The following CSNK1G3 variants were observed in gnomAD, a reference collection of about 807,000 sequenced individuals.
CSNK1G3 encodes casein kinase I isoform gamma-3.
Under a neutral mutation model 64.3 loss-of-function variants are expected in CSNK1G3, and 23 were observed. That is an observed-to-expected ratio of 0.36 (90% CI 0.26 to 0.51). The LOEUF is 0.51. Ranked by LOEUF, CSNK1G3 falls within the 20% of genes least tolerant of loss-of-function variation. The pLI, the probability that CSNK1G3 is intolerant of heterozygous loss-of-function variation, is 0.96. For missense variants in CSNK1G3, 357 were observed against 510.5 expected (o/e 0.70, Z 2.90); for synonymous variants, 158 against 162.2 (o/e 0.97, Z 0.20).
At chr5:123,571,728 GAGA>G (rs1482005433) in intron 4 of CSNK1G3, among the ~76,000 whole-genome samples, 4 of 152,044 alleles carry the variant, frequency 2.6e-5, no homozygotes, top group Admixed American at 2.6e-4. Context: ...TAAAAAGAAT[GAGA>G]AGTTTTCATT....
At chr5:123,596,319 CTTCAA>C (rs1025790338) in intron 10 of CSNK1G3, among the ~76,000 whole-genome samples, 7 of 152,120 alleles carry the variant, frequency 4.6e-5, no homozygotes, top group South Asian at 2.1e-4. Context: ...ATTTTTATGA[CTTCAA>C]TTCATATAGT....
At chr5:123,585,491 A>T (rs529862947) in intron 6 of CSNK1G3, among the ~76,000 whole-genome samples, 1 of 152,166 alleles carries the variant, frequency 6.6e-6, no homozygotes, top group African/African-American at 2.4e-5. Context: ...CAAAATGTAA[A>T]ATTTCTTTTA....
At chr5:123,513,006 C>CAGGCAGGAAGGAGGCATGGAT (rs1776509811) in intron 1 of CSNK1G3, among the ~76,000 whole-genome samples, 2 of 151,818 alleles carry the variant, frequency 1.3e-5, no homozygotes, top group African/African-American at 4.8e-5. Flanking sequence ...GTAGGGGCTT[C>CAGGCAGGAAGGAGGCATGGAT]AGGCAGGAAG....
intron 10 of CSNK1G3, among the ~76,000 whole-genome samples, chr5:123,603,518 A>G (rs1196805033): frequency 1.3e-5 from 2 of 152,116 alleles, no homozygotes; most frequent in Non-Finnish European, 2.9e-5. Context: ...GGAGGTAGGG[A>G]TGGATGTCAA....
At chr5:123,611,122 TTTC>T (rs1395410794) in intron 12 of CSNK1G3, among the ~76,000 whole-genome samples, 1 of 152,230 alleles carries the variant, frequency 6.6e-6, no homozygotes, top group Non-Finnish European at 1.5e-5. Context: ...TGAGACCTGA[TTTC>T]TTAATCTCTA....
chr5:123,523,541 A>G (rs1256390575), intron 1 of CSNK1G3, among the ~76,000 whole-genome samples: 1 of 152,210 alleles, frequency 6.6e-6, no homozygotes, highest in Non-Finnish European at 1.5e-5. Flanking sequence ...ATAAATTGCA[A>G]GGGTTAGATT....
intron 1 of CSNK1G3, among the ~76,000 whole-genome samples, chr5:123,539,304 G>T (rs907056591): frequency 6.6e-6 from 1 of 152,006 alleles, no homozygotes; most frequent in Non-Finnish European, 1.5e-5. Context: ...AATTAGCTGA[G>T]TGTGGTGGTG....
At chr5:123,565,760 C>T in intron 4 of CSNK1G3, among the ~76,000 whole-genome samples, 1 of 152,084 alleles carries the variant, frequency 6.6e-6, no homozygotes, top group East Asian at 1.9e-4. Flanking sequence ...AAGGGGAAGC[C>T]AGTTATCACG....
intron 2 of CSNK1G3, among the ~76,000 whole-genome samples, chr5:123,550,723 G>T (rs1783476445): frequency 6.6e-6 from 1 of 152,092 alleles, no homozygotes; most frequent in African/African-American, 2.4e-5. Context: ...AGTTTACTTG[G>T]ATTTTTCTTT....
chr5:123,547,823 T>G (rs1782842097), intron 2 of CSNK1G3, among the ~76,000 whole-genome samples: 1 of 152,148 alleles, frequency 6.6e-6, no homozygotes, highest in Non-Finnish European at 1.5e-5. Flanking sequence ...TTCATAGACT[T>G]CTAAAAGGGT....
At chr5:123,545,933 T>C in intron 2 of CSNK1G3, 92 bp downstream of exon 2, 3 of 1,087,508 alleles carry the variant, frequency 2.8e-6, no homozygotes, top group East Asian at 2.5e-5. Context: ...TTTAATTGTT[T>C]AGTTGTTTAA....
chr5:123,583,364 T>G (rs1419283074), intron 6 of CSNK1G3, among the ~76,000 whole-genome samples: 3 of 151,810 alleles, frequency 2.0e-5, no homozygotes, highest in East Asian at 1.9e-4. Context: ...ATCCAGTTTT[T>G]TTTTTTTTTT....
At chr5:123,586,764 A>G (rs1186334011) in intron 6 of CSNK1G3, among the ~76,000 whole-genome samples, 1 of 152,180 alleles carries the variant, frequency 6.6e-6, no homozygotes, top group Admixed American at 6.5e-5. Context: ...TATTGAAAAC[A>G]AGTGTATTAG....
chr5:123,547,459 G>A (rs773623046), intron 2 of CSNK1G3, among the ~76,000 whole-genome samples: 1 of 152,088 alleles, frequency 6.6e-6, no homozygotes, highest in Non-Finnish European at 1.5e-5. Context: ...CTGTGTGTGT[G>A]TGTGTGTATT....
chr5:123,578,457 G>A (rs1789598926), intron 6 of CSNK1G3, among the ~76,000 whole-genome samples: 2 of 151,800 alleles, frequency 1.3e-5, no homozygotes, highest in Non-Finnish European at 3.0e-5. Flanking sequence ...TGAAAAGTGT[G>A]TGTCATTTCA....
At chr5:123,538,041 C>G (rs1781121181) in intron 1 of CSNK1G3, among the ~76,000 whole-genome samples, 1 of 152,160 alleles carries the variant, frequency 6.6e-6, no homozygotes, top group Non-Finnish European at 1.5e-5. Context: ...GAGTAGTCAT[C>G]TATTATATGA....
chr5:123,578,288 T>C (rs150008771), intron 6 of CSNK1G3, among the ~76,000 whole-genome samples: 3 of 152,014 alleles, frequency 2.0e-5, no homozygotes, highest in African/African-American at 7.2e-5. Flanking sequence ...CAGTAATGAA[T>C]GAGAATTTTG....
At chr5:123,512,859 C>G (rs923485650) in intron 1 of CSNK1G3, among the ~76,000 whole-genome samples, 1 of 151,808 alleles carries the variant, frequency 6.6e-6, no homozygotes, top group African/African-American at 2.4e-5. Flanking sequence ...GCAAAAGTTG[C>G]CGGAGTGGTG....
At chr5:123,517,631 C>G (rs903247629) in intron 1 of CSNK1G3, among the ~76,000 whole-genome samples, 6 of 152,104 alleles carry the variant, frequency 3.9e-5, no homozygotes, top group African/African-American at 1.4e-4. Context: ...CTGGAAATCA[C>G]AGGTGTTGTT....
Sources: allele counts gnomAD v4.1 joint callset (sites outside exome capture counted in the v4.1 genomes callset), GRCh38; gene constraint gnomAD v4.1.1; transcripts MANE v1.5; gene names NCBI Gene and HGNC (gene_info 2026-07-23, HGNC 2026-07-21).